Variants in KIF24 observed in about 807,000 individuals in gnomAD.
The protein encoded by KIF24 is kinesin family member 24.
A neutral mutation model predicts 118.9 loss-of-function variants in KIF24; 81 were observed. The observed-to-expected ratio is 0.68, with a 90% CI of 0.57 to 0.82. The LOEUF is 0.82. Among genes scored for constraint, KIF24 ranks in the 40% least tolerant of loss-of-function variants. The probability of loss-of-function intolerance (pLI) is 0.00; values close to 1 mark genes in which losing one functional copy is unlikely to be tolerated. For synonymous variants in KIF24, 599 were observed against 610.0 expected, an observed-to-expected ratio of 0.98 and a Z score of 0.27; for missense variants, 1,560 against 1,661.6, an observed-to-expected ratio of 0.94 and a Z score of 1.06.
At chr9:34,301,984 T>C (rs1438642868) in intron 3 of KIF24, among the ~76,000 whole-genome samples, 2 of 108,794 alleles carry the variant, frequency 1.8e-5, no homozygotes, top group Admixed American at 9.0e-5. Flanking sequence ...TTTCTATATA[T>C]GTATTTTTTT....
intron 4 of KIF24, 60 bp from the exon 5 acceptor site, chr9:34,290,449 A>G: frequency 2.8e-6 from 3 of 1,090,094 alleles, no homozygotes; most frequent in Non-Finnish European, 1.3e-6. Context: ...GTTTACCCAT[A>G]GATTTTTAAT....
intron 5 of KIF24, 51 bp downstream of exon 5, chr9:34,290,123 G>A: frequency 7.6e-7 from 1 of 1,323,194 alleles, no homozygotes; most frequent in South Asian, 1.2e-5. Flanking sequence ...CCGGGACTCT[G>A]GCTTAAAATA....
At chr9:34,307,591 A>G (rs1402895863) in intron 2 of KIF24, among the ~76,000 whole-genome samples, 9 of 152,176 alleles carry the variant, frequency 5.9e-5, no homozygotes, top group Admixed American at 5.9e-4. Flanking sequence ...ATTTTGAGGT[A>G]CTGTGGGAAA....
rs1377356517 is a variant in KIF24, at chr9:34,271,893, G to A, written c.1253C>T (p.Ala418Val). Residue 418 changes from alanine (A) to valine (V), a missense_variant, in exon 7 of 13, where the codon GCC (alanine) becomes GTC (valine). By Grantham distance (64) the Ala-to-Val change is moderately conservative. This residue lies in a region of KIF24 where 964 missense variants were observed against 988.0 expected (regional missense o/e 0.98). Transcript: ENST00000402558. ...LKGSKERSTG[A>V]TGVNADSSRS... ...GGAGGAGTCTGCATTAACTCCAGTG[G>A]CCCCAGTGCTGCGCTCCTTGCTGCC... The A allele has an allele frequency of 6.2e-7, 1 of 1,607,130 alleles. No individual in the cohort carries two copies. The highest frequency in any genetic ancestry group is 8.5e-7 in the Non-Finnish European group (1 of 1,176,494).
chr9:34,271,325 CAAAA>C (rs58895274), intron 7 of KIF24, among the ~76,000 whole-genome samples: 39 of 107,340 alleles, frequency 3.6e-4, no homozygotes, highest in East Asian at 6.3e-4. Flanking sequence ...AGCAATCCAG[CAAAA>C]AAAAAAAAAA....
In KIF24 at chr9:34,318,291, G is replaced by T. The variant is rs60277674; in HGVS notation, c.-25-6920C>A. On this transcript the variant is annotated intron_variant, in intron 1 of 12. Coordinates refer to ENST00000402558, the MANE Select transcript of KIF24 (RefSeq NM_194313.4). The surrounding 1 kb of genome is among the most constrained non-coding windows in gnomAD (Gnocchi z 4.9). ...GGCTATAGAAGAGTAGAATCGTGTC[G>T]CGGCTCGAGAGCGAGACTCCCGTCT... is the stretch of plus-strand genomic sequence containing the variant. 110,368 of 553,262 alleles carry T rather than the reference G, an allele frequency of 0.2. 15,445 individuals are homozygous for T. Among genetic ancestry groups the T allele is most frequent in the East Asian group, 0.62 (17,618 of 28,368 alleles). The allele number at this position is 553,262 out of a possible 1,614,324, so 34.3% of individuals were successfully genotyped here.
intron 1 of KIF24, among the ~76,000 whole-genome samples, chr9:34,316,364 C>T (rs186124678): frequency 1.3e-5 from 2 of 152,014 alleles, no homozygotes; most frequent in East Asian, 3.9e-4. Flanking sequence ...TCCATTATGT[C>T]TACTGTTTTG....
intron 6 of KIF24, among the ~76,000 whole-genome samples, chr9:34,286,339 A>G (rs1379665280): frequency 6.6e-6 from 1 of 151,910 alleles, no homozygotes; most frequent in Non-Finnish European, 1.5e-5. Context: ...ATCTCAAAAC[A>G]ACAACAACAA....
intron 9 of KIF24, 110 bp from the exon 10 acceptor site, chr9:34,259,815 G>A: frequency 8.9e-6 from 6 of 671,162 alleles, no homozygotes; most frequent in Admixed American, 2.5e-5. Context: ...TCCACAAAAA[G>A]GTAATTAACA....
chr9:34,266,172 T>G lies in KIF24; in HGVS notation c.1444-3000A>C, dbSNP rs1353572342. Reference sequence around the variant, plus strand: ...CCTCCCAAAGTGCTGGGATTATATGTGTGAGCCACTGGGCCTGGCCTGCAA... The same window carrying G: ...CCTCCCAAAGTGCTGGGATTATATGGGTGAGCCACTGGGCCTGGCCTGCAA... On this transcript the variant is annotated intron_variant, in intron 8 of 12. Transcript: ENST00000402558. Among the ~76,000 whole-genome samples the G allele has an allele frequency of 2.0e-5, 3 of 152,290 alleles. No homozygotes were observed. The East Asian group carries it at 5.8e-4, about 29-fold the overall frequency.
At position 34,255,614 on chromosome 9, in the gene KIF24, A is replaced by C. The variant is rs1027192483; in HGVS notation, c.3872+121T>G. The C allele has an allele frequency of 3.5e-6, 3 of 848,008 alleles. No individual in the cohort carries two copies. In the African/African-American group the frequency reaches 5.2e-5, roughly 15 times the overall value. 52.5% of individuals were successfully genotyped at this position (848,008 alleles called of 1,614,324 possible). A position where few individuals can be genotyped will look rare whatever the true frequency, so the allele number is the denominator to read the frequency against. The stretch of plus-strand genomic sequence containing the variant: ...GACCAAAGCAGAGGGTTGGAGCTAG[A>C]AGCAGACTAGCTCACCTGCGTACCC... On this transcript the variant is annotated intron_variant, in intron 11 of 12. Coordinates refer to ENST00000402558, the MANE Select transcript of KIF24 (RefSeq NM_194313.4).
In KIF24 at chr9:34,257,137, C is replaced by T. The variant is rs778107216; in HGVS notation, c.2470G>A (p.Asp824Asn). The change falls in exon 11 of 13, where the codon GAT becomes AAT. Residue 824 changes from aspartate (D) to asparagine (N), a missense_variant. This residue lies in a region of KIF24 where 5 missense variants were observed against 18.0 expected (regional missense o/e 0.28). Coordinates refer to ENST00000402558, the MANE Select transcript of KIF24 (RefSeq NM_194313.4). ...NHDGAQVEELDDSDFSEDSFS... is the reference protein window; with the variant it reads ...NHDGAQVEELNDSDFSEDSFS... ...GAATCTTCACTGAAATCACTGTCAT[C>T]AAGTTCCTCTACTTGGGCTCCATCA... The T allele has an allele frequency of 6.2e-7, 1 of 1,614,040 alleles. No homozygotes were observed. The highest frequency in any genetic ancestry group is 2.2e-5 in the East Asian group (1 of 44,890).
chr9:34,254,436 G>T lies in KIF24; in HGVS notation c.4051C>A (p.Leu1351Ile). The T allele has an allele frequency of 6.2e-7, 1 of 1,613,912 alleles. No homozygotes were observed. Among genetic ancestry groups the T allele is most frequent in the Non-Finnish European group, 8.5e-7 (1 of 1,179,868 alleles). The change falls in exon 13 of 13, where the codon CTC becomes ATC. Residue 1351 changes from leucine (L) to isoleucine (I), a missense_variant. Transcript: ENST00000402558. Reference protein sequence around the residue: ...CIQSLRSQLQLYLTCHGPTAA... With the variant: ...CIQSLRSQLQIYLTCHGPTAA... ...GTGGGCCCGTGGCAGGTGAGATAGA[G>T]CTGCAGCTGGCTCCTCAGACTCTGG...
At chr9:34,329,859 G>A (rs1005619720), upstream of KIF24, among the ~76,000 whole-genome samples, 1 of 147,572 alleles carries the variant, frequency 6.8e-6, no homozygotes, top group Admixed American at 6.9e-5. Context: ...GATAGGGTGG[G>A]TCGTCCAAAT....
chr9:34,254,609 GT>G (rs1162719815), intron 12 of KIF24, 89 bp from the exon 13 acceptor site: 20 of 1,379,418 alleles, frequency 1.4e-5, no homozygotes, highest in Non-Finnish European at 2.0e-5. Flanking sequence ...TGGCAGGAAA[GT>G]TTCAGAACCC....
At chr9:34,276,166 G>C (rs919070148) in intron 6 of KIF24, among the ~76,000 whole-genome samples, 13 of 152,118 alleles carry the variant, frequency 8.5e-5, no homozygotes, top group African/African-American at 3.1e-4. Context: ...ACTTTGGGAG[G>C]CTGAGGTGGG....
intron 12 of KIF24, among the ~76,000 whole-genome samples, chr9:34,254,813 G>A (rs548806580): frequency 1.1e-4 from 17 of 152,264 alleles, no homozygotes; most frequent in Middle Eastern, 6.8e-3. Flanking sequence ...CCGACAAACC[G>A]CTAGGAAGGC....
chr9:34,296,936 G>A (rs979212867), intron 4 of KIF24, 81 bp downstream of exon 4: 4 of 676,388 alleles, frequency 5.9e-6, no homozygotes, highest in South Asian at 1.9e-5. Context: ...GTACTGAAAA[G>A]CATGTGATAT....
intron 8 of KIF24, among the ~76,000 whole-genome samples, chr9:34,268,275 T>C (rs1432778579): frequency 6.6e-6 from 1 of 152,034 alleles, no homozygotes; most frequent in African/African-American, 2.4e-5. Context: ...GAGATTTTCC[T>C]GCCACAGCCT....
Sources: allele counts gnomAD v4.1 joint callset (sites outside exome capture counted in the v4.1 genomes callset), GRCh38; gene constraint gnomAD v4.1.1; regional missense constraint gnomAD v4.1.1; non-coding constraint Gnocchi (gnomAD v3.1); transcripts MANE v1.5; gene names NCBI Gene and HGNC (gene_info 2026-07-23, HGNC 2026-07-21).